Variants in GXYLT1 observed in about 807,000 individuals in gnomAD.
GXYLT1 encodes glycosyltransferase 8 domain containing 3.
A neutral mutation model predicts 54.0 loss-of-function variants in GXYLT1; 29 were observed. The ratio of observed to expected loss-of-function variants is 0.54; its 90% CI spans 0.40 to 0.73. GXYLT1 has a LOEUF of 0.73. Among genes scored for constraint, GXYLT1 ranks in the 30% least tolerant of loss-of-function variants. The pLI is 0.00. For missense variants in GXYLT1, 490 were observed against 553.4 expected, an observed-to-expected ratio of 0.89 and a Z score of 1.15; for synonymous variants, 176 against 204.1, an observed-to-expected ratio of 0.86 and a Z score of 1.17.
intron 5 of GXYLT1, among the ~76,000 whole-genome samples, chr12:42,104,914 G>A (rs183927331): frequency 6.6e-6 from 1 of 152,280 alleles, no homozygotes; most frequent in East Asian, 1.9e-4. Context: ...TGTTTGCTCA[G>A]AAGTCACTGT....
intron 3 of GXYLT1, among the ~76,000 whole-genome samples, chr12:42,114,656 A>C (rs1194341992): frequency 1.3e-5 from 2 of 152,202 alleles, no homozygotes; most frequent in Non-Finnish European, 2.9e-5. Flanking sequence ...CCAACCAAAA[A>C]AAGTCCAGGA....
intron 3 of GXYLT1, among the ~76,000 whole-genome samples, chr12:42,115,515 G>A (rs1393224790): frequency 6.6e-6 from 1 of 152,148 alleles, no homozygotes; most frequent in Non-Finnish European, 1.5e-5. Context: ...AATCATGAGT[G>A]AACTCTCATT....
intron 4 of GXYLT1, among the ~76,000 whole-genome samples, chr12:42,107,694 A>C (rs2065429270): frequency 6.6e-6 from 1 of 152,094 alleles, no homozygotes; most frequent in Admixed American, 6.5e-5. Context: ...CTGTCTCAAA[A>C]AAAAAGGTGT....
intron 1 of GXYLT1, among the ~76,000 whole-genome samples, chr12:42,130,992 CA>C (rs1489445766): frequency 6.6e-6 from 1 of 151,874 alleles, no homozygotes. Flanking sequence ...CTCCCTGCCC[CA>C]AAAAAACCCG....
At chr12:42,130,852 T>A (rs913440634) in intron 1 of GXYLT1, among the ~76,000 whole-genome samples, 1 of 152,128 alleles carries the variant, frequency 6.6e-6, no homozygotes, top group Admixed American at 6.5e-5. Context: ...GAGGCTGTGG[T>A]GGGAGGATGG....
chr12:42,139,955 G>A (rs1405620671), intron 1 of GXYLT1, among the ~76,000 whole-genome samples: 1 of 152,078 alleles, frequency 6.6e-6, no homozygotes, highest in Non-Finnish European at 1.5e-5. Context: ...GCCGAGGTGG[G>A]CGGATCATAA....
chr12:42,114,909 G>A (rs2065483435), intron 3 of GXYLT1, among the ~76,000 whole-genome samples: 1 of 152,106 alleles, frequency 6.6e-6, no homozygotes, highest in Non-Finnish European at 1.5e-5. Flanking sequence ...GAATCCAGCA[G>A]CACATCAAAA....
intron 7 of GXYLT1, among the ~76,000 whole-genome samples, chr12:42,091,243 A>C (rs2065327243): frequency 6.6e-6 from 1 of 152,184 alleles, no homozygotes; most frequent in African/African-American, 2.4e-5. Flanking sequence ...ACCCAAAACA[A>C]ACACAGAAGA....
At position 42,112,683 on chromosome 12, in the gene GXYLT1, A is replaced by ATG. The variant is rs2065465946; in HGVS notation, c.487-2993_487-2992insCA. 6.6e-5 allele frequency among the ~76,000 whole-genome samples: 10 copies of ATG among 152,310 alleles called. 1 individual carries two copies. In the South Asian group the frequency reaches 2.1e-3, roughly 32 times the overall value. ...CGTCTGATTGGTGTACCTGAAAGTG[A>ATG]CGGAGAGAATGGAACCAAGTTGGAA... On this transcript the variant is annotated intron_variant, in intron 3 of 7. Transcript: ENST00000398675.
In GXYLT1 at chr12:42,105,879, G is replaced by A; in HGVS notation, c.803C>T (p.Thr268Ile). 1 of 1,613,594 alleles carries A rather than the reference G, an allele frequency of 6.2e-7. No individual in the cohort carries two copies. Among genetic ancestry groups the A allele is most frequent in the Non-Finnish European group, 8.5e-7 (1 of 1,179,586 alleles). Residue 268 changes from threonine to isoleucine, a missense_variant, in exon 5 of 8, where the codon ACT (threonine) becomes ATT (isoleucine). By Grantham distance (89) the Thr-to-Ile change is moderately conservative. This residue lies in a region of GXYLT1 where 342 missense variants were observed against 342.6 expected (regional missense o/e 1.00). Transcript: ENST00000398675. ...CAACATAACTCCAGAGTTTACTCCA[G>A]TTTTTCCATAATATGGATGCCTAGC... ...RFARHPYYGKTGVNSGVMLMN... is the reference protein window; with the variant it reads ...RFARHPYYGKIGVNSGVMLMN...
At chr12:42,131,438 C>T (rs2065593531) in intron 1 of GXYLT1, among the ~76,000 whole-genome samples, 1 of 152,202 alleles carries the variant, frequency 6.6e-6, no homozygotes, top group Non-Finnish European at 1.5e-5. Flanking sequence ...CACACAAGAC[C>T]TATTAAATCA....
intron 1 of GXYLT1, 136 bp downstream of exon 1, chr12:42,144,290 G>A (rs925967108): frequency 1.1e-5 from 5 of 466,140 alleles, no homozygotes; most frequent in Admixed American, 9.9e-5. Context: ...GGGAAGGAGG[G>A]AAATGAGTGA....
In GXYLT1 at chr12:42,111,089, C is replaced by CTATTCTCTT. The variant is rs1490686617; in HGVS notation, c.487-1407_487-1399dup. ...TCCCAAAATTGGCAGCAGTCTATTA[C>CTATTCTCTT]TATTCTCTTAACCCCTAGGACAAGA... On this transcript the variant is annotated intron_variant, in intron 3 of 7. Coordinates refer to ENST00000398675, the MANE Select transcript of GXYLT1 (RefSeq NM_173601.2). 4.6e-5 allele frequency among the ~76,000 whole-genome samples: 7 copies of CTATTCTCTT among 152,366 alleles called. No homozygotes were observed. In the East Asian group the frequency reaches 1.2e-3, roughly 25 times the overall value.
rs1188871012 is a variant in GXYLT1 at position 42,140,200 on chromosome 12, C to CGG, written c.221+4224_221+4225dup. ...CATCTCAAAAAAAAAAAAAAAAAGGCGGGGGGGGGGGGACTTCACTAAAAA... is the reference window on the plus strand; with the variant it reads ...CATCTCAAAAAAAAAAAAAAAAAGGCGGGGGGGGGGGGGGACTTCACTAAAAA... On this transcript the variant is annotated intron_variant, in intron 1 of 7. Transcript: ENST00000398675. 2.8e-3 allele frequency among the ~76,000 whole-genome samples: 106 copies of CGG among 38,046 alleles called. 1 individual carries two copies. Among genetic ancestry groups the CGG allele is most frequent in the Middle Eastern group, 0.031 (1 of 32 alleles). 25.0% of individuals were successfully genotyped at this position (38,046 alleles called of 152,430 possible). A position where few individuals can be genotyped will look rare whatever the true frequency, so the allele number is the denominator to read the frequency against.
chr12:42,098,252 T>C (rs964690428), intron 5 of GXYLT1, among the ~76,000 whole-genome samples: 5 of 152,174 alleles, frequency 3.3e-5, no homozygotes, highest in African/African-American at 9.7e-5. Context: ...GTGACAAAAC[T>C]AGTAAGTCAC....
intron 1 of GXYLT1, among the ~76,000 whole-genome samples, chr12:42,141,251 G>C (rs146049040): frequency 6.6e-6 from 1 of 152,260 alleles, no homozygotes; most frequent in East Asian, 1.9e-4. Flanking sequence ...AATAAAACCT[G>C]CAAGAACAGA....
At chr12:42,111,530 T>C (rs1366867443) in intron 3 of GXYLT1, among the ~76,000 whole-genome samples, 1 of 152,224 alleles carries the variant, frequency 6.6e-6, no homozygotes, top group East Asian at 1.9e-4. Flanking sequence ...TCTGGCTCAC[T>C]GCTAGCACAG....
intron 4 of GXYLT1, among the ~76,000 whole-genome samples, chr12:42,107,942 T>C (rs1458814195): frequency 6.6e-6 from 1 of 152,210 alleles, no homozygotes. Flanking sequence ...TTCTGATTCC[T>C]TTCAGTTGAA....
rs76176345 is a variant in GXYLT1 at position 42,083,503 on chromosome 12, G to A, written c.*4283C>T. 4 of 74,072 alleles carry A rather than the reference G, an allele frequency of 5.4e-5. No homozygotes were observed. The highest frequency in any genetic ancestry group is 1.4e-4 in the Admixed American group (1 of 7,090). 4.6% of individuals were successfully genotyped at this position (74,072 alleles called of 1,614,324 possible). A position where few individuals can be genotyped will look rare whatever the true frequency, so the allele number is the denominator to read the frequency against. ...CCCCTACTTTTCTTCTCTACTCTAA[G>A]GAACCAAAAAAATTATTTTAAAAAA... On this transcript the variant is annotated 3_prime_UTR_variant, in exon 8 of 8. Transcript: ENST00000398675.
Sources: gnomAD v4.1 joint callset for allele counts (sites outside exome capture counted in the v4.1 genomes callset) on GRCh38, gnomAD v4.1.1 for gene constraint, gnomAD v4.1.1 regional missense constraint, MANE v1.5 for transcripts, NCBI Gene and HGNC (gene_info 2026-07-23, HGNC 2026-07-21) for gene names.